TLK2: variants seen among roughly 807,000 people sequenced by gnomAD.
TLK2 encodes the protein serine/threonine-protein kinase tousled-like 2.
In TLK2, 6 loss-of-function variants were observed where a neutral mutation model predicts 117.3. That is an observed-to-expected ratio of 0.05 (90% CI 0.03 to 0.10). TLK2 has a LOEUF of 0.10. Among genes scored for constraint, TLK2 ranks in the 10% least tolerant of loss-of-function variants. TLK2 has a pLI of 1.00. For synonymous variants in TLK2, 257 were observed against 316.7 expected (o/e 0.81, Z 2.00); for missense variants, 299 against 901.2 (o/e 0.33, Z 8.56).
intron 9 of TLK2, among the ~76,000 whole-genome samples, chr17:62,556,306 A>G (rs1161746285): frequency 6.6e-6 from 1 of 152,182 alleles, no homozygotes; most frequent in Non-Finnish European, 1.5e-5. Flanking sequence ...TTTATGACCA[A>G]ATTTGTAGTC....
chr17:62,503,724 A>G (rs907822104), intron 2 of TLK2, among the ~76,000 whole-genome samples: 2 of 91,138 alleles, frequency 2.2e-5, no homozygotes, highest in African/African-American at 7.2e-5. Flanking sequence ...TGGCCTAGTT[A>G]TATCTTTTTT....
rs2083902772 is a variant in TLK2 at position 62,612,886 on chromosome 17, G to T, written c.*321G>T. ...CCATGTACTGTGAACTTGAAAACTT[G>T]CAGACTCAGGGGGGTCCCTGATGCA... On this transcript the variant is annotated 3_prime_UTR_variant, in exon 22 of 22. Coordinates refer to ENST00000346027, the MANE Select transcript of TLK2 (RefSeq NM_006852.6). 5.7e-6 allele frequency: 1 copy of T among 175,748 alleles called. No homozygotes were observed. The highest frequency in any genetic ancestry group is 6.2e-5 in the Admixed American group (1 of 16,094). 10.9% of individuals were successfully genotyped at this position (175,748 alleles called of 1,614,324 possible).
intron 15 of TLK2, among the ~76,000 whole-genome samples, chr17:62,581,688 T>G (rs938341077): frequency 1.3e-5 from 2 of 152,058 alleles, no homozygotes; most frequent in African/African-American, 4.8e-5. Context: ...TGATCACACC[T>G]TGGCTTCCCA....
intron 1 of TLK2, among the ~76,000 whole-genome samples, chr17:62,473,384 A>G (rs2070978560): frequency 6.6e-6 from 1 of 151,924 alleles, no homozygotes; most frequent in African/African-American, 2.4e-5. Flanking sequence ...TGATTCAGAA[A>G]GGCTCCCAGA....
chr17:62,558,788 A>G (rs2079043944), intron 9 of TLK2, among the ~76,000 whole-genome samples: 1 of 152,258 alleles, frequency 6.6e-6, no homozygotes, highest in South Asian at 2.1e-4. Context: ...ATTTGGAGAC[A>G]GAAGCTGTTT....
intron 2 of TLK2, among the ~76,000 whole-genome samples, chr17:62,509,612 A>G (rs1259544494): frequency 2.0e-5 from 3 of 152,228 alleles, no homozygotes; most frequent in African/African-American, 7.2e-5. Flanking sequence ...AAACTCAGTA[A>G]TATTTCTAGA....
upstream of TLK2, among the ~76,000 whole-genome samples, chr17:62,476,324 C>T (rs1297608255): frequency 6.6e-6 from 1 of 151,644 alleles, no homozygotes; most frequent in Non-Finnish European, 1.5e-5. Context: ...TGGCTCATGC[C>T]TGTAATCACA....
intron 2 of TLK2, among the ~76,000 whole-genome samples, chr17:62,505,011 T>C (rs2074549254): frequency 6.6e-6 from 1 of 151,994 alleles, no homozygotes; most frequent in Non-Finnish European, 1.5e-5. Context: ...GCCTGGCTAA[T>C]TTTGGAAGTC....
rs369210853 is a variant in TLK2 at position 62,471,080 on chromosome 17, T to C, written c.-205+2T>C. 4 of 152,252 alleles carry C rather than the reference T, an allele frequency of 2.6e-5. No homozygotes were observed. Among genetic ancestry groups the C allele is most frequent in the East Asian group, 1.9e-4 (1 of 5,180 alleles). The allele number at this position is 152,252 out of a possible 1,614,324, so 9.4% of individuals were successfully genotyped here. A position where few individuals can be genotyped will look rare whatever the true frequency, so the allele number is the denominator to read the frequency against. ...TGGCCTTGATGACAGCCTGTGGAGG[T>C]TGGTATTATTTACTCCAAGAGGAAA... is the stretch of plus-strand genomic sequence containing the variant. On this transcript the variant is annotated splice_donor_variant, in intron 1 of 4. Coordinates refer to the TLK2 transcript ENST00000579450. LOFTEE classifies it low-confidence loss of function (5UTR_SPLICE).
upstream of TLK2, among the ~76,000 whole-genome samples, chr17:62,476,901 G>A (rs1478235397): frequency 3.4e-5 from 5 of 147,746 alleles, no homozygotes; most frequent in Non-Finnish European, 7.4e-5. Flanking sequence ...GGCCAACATG[G>A]CAAAACCTCG....
intron 6 of TLK2, among the ~76,000 whole-genome samples, chr17:62,533,712 A>G (rs1374596864): frequency 2.0e-5 from 3 of 151,992 alleles, no homozygotes; most frequent in Non-Finnish European, 4.4e-5. Flanking sequence ...CCTGACCTCA[A>G]GTGATTTGCC....
chr17:62,524,920 A>T (rs1297286784), intron 6 of TLK2, among the ~76,000 whole-genome samples: 1 of 152,208 alleles, frequency 6.6e-6, no homozygotes, highest in Non-Finnish European at 1.5e-5. Flanking sequence ...ATAGGCATCT[A>T]CTGGGCAGAA....
intron 2 of TLK2, among the ~76,000 whole-genome samples, chr17:62,504,546 A>G (rs2074499032): frequency 6.6e-6 from 1 of 152,172 alleles, no homozygotes; most frequent in Admixed American, 6.6e-5. Context: ...GCTCATGCCT[A>G]TAATCTGTGC....
chr17:62,554,579 C>T (rs1169096723), intron 9 of TLK2, among the ~76,000 whole-genome samples: 2 of 151,386 alleles, frequency 1.3e-5, no homozygotes, highest in African/African-American at 4.9e-5. Flanking sequence ...GATACTTTGT[C>T]TCAAGAAAAA....
At chr17:62,522,666 C>T (rs1445744064) in intron 4 of TLK2, among the ~76,000 whole-genome samples, 2 of 152,176 alleles carry the variant, frequency 1.3e-5, no homozygotes, top group African/African-American at 2.4e-5. Context: ...TACTGTTCTT[C>T]CGTGGCAGTT....
intron 2 of TLK2, among the ~76,000 whole-genome samples, chr17:62,513,798 C>CT (rs1259841865): frequency 6.6e-6 from 1 of 151,834 alleles, no homozygotes; most frequent in African/African-American, 2.4e-5. Flanking sequence ...AAGAAGTTCT[C>CT]TGCCTCAGCC....
At chr17:62,501,711 G>T (rs531773731) in intron 2 of TLK2, among the ~76,000 whole-genome samples, 8 of 152,216 alleles carry the variant, frequency 5.3e-5, no homozygotes, top group African/African-American at 1.9e-4. Flanking sequence ...TCTAGTCCCA[G>T]CACTTTGGGA....
intron 2 of TLK2, 71 bp downstream of exon 2, chr17:62,481,277 A>C: frequency 6.4e-7 from 1 of 1,559,458 alleles, no homozygotes; most frequent in Non-Finnish European, 8.8e-7. Context: ...GATTAAGAGC[A>C]ATTTGGGTAG....
At chr17:62,474,397 C>T (rs1209514321), upstream of TLK2, among the ~76,000 whole-genome samples, 2 of 142,314 alleles carry the variant, frequency 1.4e-5, no homozygotes, top group Non-Finnish European at 3.0e-5. Flanking sequence ...TTTTTAATGA[C>T]ATAATTTTAT....
Sources: allele counts gnomAD v4.1 joint callset (sites outside exome capture counted in the v4.1 genomes callset), GRCh38; gene constraint gnomAD v4.1.1; transcripts MANE v1.5; gene names NCBI Gene and HGNC (gene_info 2026-07-23, HGNC 2026-07-21).